The following DDAH1 variants were observed in gnomAD, a reference collection of about 807,000 sequenced individuals.
The protein encoded by DDAH1 is N(G),N(G)-dimethylarginine dimethylaminohydrolase 1.
In DDAH1, 19 loss-of-function variants were observed where a neutral mutation model predicts 28.8. The observed-to-expected ratio is 0.66, with a 90% CI of 0.46 to 0.97. The LOEUF (loss-of-function observed/expected upper bound fraction) is 0.97. DDAH1 is among the 50% of genes least tolerant of loss of function. The probability of loss-of-function intolerance (pLI) is 0.00; values close to 1 mark genes in which losing one functional copy is unlikely to be tolerated. For missense variants in DDAH1, 326 were observed against 375.9 expected, an observed-to-expected ratio of 0.87 and a Z score of 1.10; for synonymous variants, 153 against 154.4, an observed-to-expected ratio of 0.99 and a Z score of 0.07.
At chr1:85,503,996 G>A (rs1656919661) in intron 1 of DDAH1, among the ~76,000 whole-genome samples, 1 of 152,152 alleles carries the variant, frequency 6.6e-6, no homozygotes, top group African/African-American at 2.4e-5. Flanking sequence ...TAAAGAGTTT[G>A]GATTTTATTA....
At chr1:85,332,871 C>A (rs954933001) in intron 4 of DDAH1, among the ~76,000 whole-genome samples, 2 of 152,180 alleles carry the variant, frequency 1.3e-5, no homozygotes, top group African/African-American at 4.8e-5. Flanking sequence ...CTTCTGCATG[C>A]ACTACCTGGA....
chr1:85,536,564 C>T (rs2100779733), intron 1 of DDAH1, among the ~76,000 whole-genome samples: 1 of 152,010 alleles, frequency 6.6e-6, no homozygotes, highest in South Asian at 2.1e-4. Context: ...AACAAACAAA[C>T]AAAGCAAAAC....
At chr1:85,440,856 T>C (rs1217991082) in intron 1 of DDAH1, among the ~76,000 whole-genome samples, 2 of 139,724 alleles carry the variant, frequency 1.4e-5, no homozygotes, top group Non-Finnish European at 3.2e-5. Context: ...TTCTTCCAAC[T>C]AAAGCTGGCA....
chr1:85,454,158 CA>C (rs1654782961), intron 1 of DDAH1, among the ~76,000 whole-genome samples: 1 of 152,204 alleles, frequency 6.6e-6, no homozygotes, highest in South Asian at 2.1e-4. Context: ...GATGCAAGTT[CA>C]GAAGGAAAAC....
At chr1:85,568,119 A>C (rs1419911762) in intron 1 of DDAH1, among the ~76,000 whole-genome samples, 3 of 152,228 alleles carry the variant, frequency 2.0e-5, no homozygotes, top group African/African-American at 7.2e-5. Flanking sequence ...AAAGTCTTTT[A>C]AACAGATTAA....
Position 85,319,801 on chromosome 1 carries a change from CAT to C in DDAH1, c.*1649_*1650del, listed in dbSNP as rs1276752975. ...GAAAAAAACTTTTGCAAATTTCTGA[CAT>C]AAAATAATCAAATAAAAGGGAAAGA... On this transcript the variant is annotated 3_prime_UTR_variant, in exon 6 of 6. Coordinates refer to ENST00000284031, the MANE Select transcript of DDAH1 (RefSeq NM_012137.4). The C allele has an allele frequency of 6.6e-6, 1 of 152,106 alleles. No individual in the cohort carries two copies. Among genetic ancestry groups the C allele is most frequent in the Non-Finnish European group, 1.5e-5 (1 of 68,010 alleles). The allele number at this position is 152,106 out of a possible 1,614,324, so 9.4% of individuals were successfully genotyped here. A position where few individuals can be genotyped will look rare whatever the true frequency, so the allele number is the denominator to read the frequency against.
At chr1:85,333,730 A>AT (rs1304446001) in intron 4 of DDAH1, among the ~76,000 whole-genome samples, 1 of 151,130 alleles carries the variant, frequency 6.6e-6, no homozygotes, top group African/African-American at 2.4e-5. Flanking sequence ...ATCAAGAAGA[A>AT]TTTCAGAACT....
intron 1 of DDAH1, among the ~76,000 whole-genome samples, chr1:85,518,555 C>A (rs1318775096): frequency 1.3e-5 from 2 of 152,116 alleles, no homozygotes; most frequent in Non-Finnish European, 2.9e-5. Context: ...GGTGGTGAAT[C>A]CTTCTCAGGC....
At chr1:85,520,914 G>A (rs1657660986) in intron 1 of DDAH1, among the ~76,000 whole-genome samples, 1 of 152,156 alleles carries the variant, frequency 6.6e-6, no homozygotes, top group Non-Finnish European at 1.5e-5. Flanking sequence ...TGGCTCCACA[G>A]TAAAAATGTA....
intron 4 of DDAH1, among the ~76,000 whole-genome samples, chr1:85,348,983 A>T (rs1649034599): frequency 6.6e-6 from 1 of 152,164 alleles, no homozygotes; most frequent in Non-Finnish European, 1.5e-5. Flanking sequence ...CTCTCATCTT[A>T]TAATCGATCT....
chr1:85,517,066 C>T (rs1167871780), intron 1 of DDAH1, among the ~76,000 whole-genome samples: 19 of 151,848 alleles, frequency 1.3e-4, no homozygotes, highest in African/African-American at 2.7e-4. Flanking sequence ...ACAGTGAAAT[C>T]GGGATAACAG....
At chr1:85,408,443 A>T (rs1190939874) in intron 1 of DDAH1, among the ~76,000 whole-genome samples, 2 of 152,184 alleles carry the variant, frequency 1.3e-5, no homozygotes, top group Non-Finnish European at 2.9e-5. Flanking sequence ...GAACACATAA[A>T]GGTATATCAT....
chr1:85,519,968 T>C (rs12408936), intron 1 of DDAH1, among the ~76,000 whole-genome samples: 12,667 of 111,362 alleles, frequency 0.11, 573 homozygotes, highest in South Asian at 0.15. Flanking sequence ...TTCTTTTTTT[T>C]CCCCTTTATT....
At chr1:85,537,641 T>C (rs1253445811) in intron 1 of DDAH1, among the ~76,000 whole-genome samples, 1 of 147,046 alleles carries the variant, frequency 6.8e-6, no homozygotes. Flanking sequence ...TAGCAATAAG[T>C]TCCCTACTTA....
intron 1 of DDAH1, among the ~76,000 whole-genome samples, chr1:85,389,994 T>C (rs933587524): frequency 5.3e-5 from 8 of 152,246 alleles, no homozygotes; most frequent in African/African-American, 1.9e-4. Flanking sequence ...AACAGAAGCA[T>C]CTTTTTTACT....
rs189321236 is a variant in DDAH1, at chr1:85,459,715, A to G, written c.303+5028T>C. ...AGGAAATTTATGCATTTAAAAATGC[A>G]ATCATCCACTATGCTGGTAAATAAG... On this transcript the variant is annotated intron_variant, in intron 1 of 5. Transcript: ENST00000284031. Among the ~76,000 whole-genome samples the G allele has an allele frequency of 2.5e-4, 38 of 152,340 alleles. No homozygotes were observed. The East Asian group carries it at 7.3e-3, about 29-fold the overall frequency.
chr1:85,380,702 T>A (rs12044537), intron 1 of DDAH1: 56,755 of 151,942 alleles, frequency 0.37, 10,669 homozygotes, highest in South Asian at 0.43. Flanking sequence ...TGCCTGAACT[T>A]ATTTGGTAGT....
rs1167907425 is a variant in DDAH1 at position 85,346,021 on chromosome 1, C to CATAAGAATCCACTTCATT, written c.597+4376_597+4393dup. 2.6e-5 allele frequency among the ~76,000 whole-genome samples: 4 copies of CATAAGAATCCACTTCATT among 152,326 alleles called. No individual in the cohort carries two copies. The East Asian group carries it at 7.7e-4, about 29-fold the overall frequency. On this transcript the variant is annotated intron_variant, in intron 4 of 5. Transcript: ENST00000284031. Reference sequence around the variant, plus strand: ...TCTCAAATGGCAAGATGATGATCTCCATAAGAATCCACTTCATTAACCAAG... The same window carrying CATAAGAATCCACTTCATT: ...TCTCAAATGGCAAGATGATGATCTCCATAAGAATCCACTTCATTATAAGAATCCACTTCATTAACCAAG...
At chr1:85,515,187 C>T (rs1378712147) in intron 1 of DDAH1, among the ~76,000 whole-genome samples, 1 of 149,626 alleles carries the variant, frequency 6.7e-6, no homozygotes, top group Non-Finnish European at 1.5e-5. Flanking sequence ...GTCAGGACTT[C>T]AAGCCCAGCC....
Sources: allele counts gnomAD v4.1 joint callset (sites outside exome capture counted in the v4.1 genomes callset), GRCh38; gene constraint gnomAD v4.1.1; transcripts MANE v1.5; gene names NCBI Gene and HGNC (gene_info 2026-07-23, HGNC 2026-07-21).